Variants in PAPPA2 observed in about 807,000 individuals in gnomAD.
PAPPA2 encodes the protein pappalysin-2.
In PAPPA2, 86 loss-of-function variants were observed where a neutral mutation model predicts 176.4. The observed-to-expected ratio is 0.49, with a 90% CI of 0.41 to 0.58. The LOEUF is 0.58. Among genes scored for constraint, PAPPA2 ranks in the 20% least tolerant of loss-of-function variants. The probability of loss-of-function intolerance (pLI) is 0.00; values close to 1 mark genes in which losing one functional copy is unlikely to be tolerated. For synonymous variants in PAPPA2, 809 were observed against 852.2 expected, an observed-to-expected ratio of 0.95 and a Z score of 0.88; for missense variants, 2,073 against 2,256.9, an observed-to-expected ratio of 0.92 and a Z score of 1.65.
intron 1 of PAPPA2, among the ~76,000 whole-genome samples, chr1:176,468,064 G>T (rs183252276): frequency 6.6e-6 from 1 of 152,262 alleles, no homozygotes; most frequent in East Asian, 1.9e-4. Context: ...ATCCAAAAAG[G>T]AGCACTATTT....
chr1:176,587,699 A>G (rs907835779), intron 2 of PAPPA2, among the ~76,000 whole-genome samples: 6 of 152,166 alleles, frequency 3.9e-5, no homozygotes, highest in African/African-American at 1.2e-4. Flanking sequence ...GACTTGTACT[A>G]TAGTTTGAAG....
At chr1:176,596,116 C>T (rs920898328) in intron 3 of PAPPA2, among the ~76,000 whole-genome samples, 10 of 152,196 alleles carry the variant, frequency 6.6e-5, no homozygotes, top group African/African-American at 2.4e-4. Context: ...CCACTAGTCT[C>T]CTTTAGGTGA....
intron 21 of PAPPA2, among the ~76,000 whole-genome samples, chr1:176,828,253 C>T (rs886487322): frequency 2.0e-5 from 3 of 152,060 alleles, no homozygotes; most frequent in Non-Finnish European, 2.9e-5. Flanking sequence ...TAATAATGGG[C>T]CCAATAACAG....
chr1:176,682,109 G>A (rs1044188665), intron 4 of PAPPA2, among the ~76,000 whole-genome samples: 4 of 152,166 alleles, frequency 2.6e-5, no homozygotes, highest in Non-Finnish European at 4.4e-5. Flanking sequence ...TAAAGTTTAC[G>A]TCAGTTGTGA....
chr1:176,577,619 G>T (rs1048644657), intron 2 of PAPPA2, among the ~76,000 whole-genome samples: 1 of 151,986 alleles, frequency 6.6e-6, no homozygotes, highest in African/African-American at 2.4e-5. Context: ...TGCTCACACA[G>T]TCCTGCTGTC....
intron 4 of PAPPA2, among the ~76,000 whole-genome samples, chr1:176,689,175 G>A (rs1346122632): frequency 2.0e-5 from 3 of 152,178 alleles, no homozygotes; most frequent in African/African-American, 7.2e-5. Flanking sequence ...ATTTTGGGGT[G>A]TAAACAAGGA....
At chr1:176,821,201 C>T (rs965074173) in intron 21 of PAPPA2, among the ~76,000 whole-genome samples, 1 of 152,200 alleles carries the variant, frequency 6.6e-6, no homozygotes, top group South Asian at 2.1e-4. Context: ...CAGAAATTCC[C>T]ATCACAGTGT....
chr1:176,662,290 G>C (rs549967899), intron 3 of PAPPA2, among the ~76,000 whole-genome samples: 1 of 152,244 alleles, frequency 6.6e-6, no homozygotes, highest in South Asian at 2.1e-4. Flanking sequence ...ATTTACATGA[G>C]AAAATATATA....
intron 12 of PAPPA2, among the ~76,000 whole-genome samples, chr1:176,713,247 C>T (rs1056855449): frequency 5.3e-5 from 8 of 151,682 alleles, no homozygotes; most frequent in African/African-American, 1.9e-4. Context: ...CCTTGAACTC[C>T]TGGGCTCAAG....
chr1:176,816,703 C>T (rs1666420328), intron 21 of PAPPA2, among the ~76,000 whole-genome samples: 1 of 151,950 alleles, frequency 6.6e-6, no homozygotes. Context: ...CAAGTGTTCA[C>T]ACTTTGCCAG....
chr1:176,604,375 TA>T (rs1654498867), intron 3 of PAPPA2, among the ~76,000 whole-genome samples: 1 of 152,224 alleles, frequency 6.6e-6, no homozygotes, highest in Admixed American at 6.5e-5. Flanking sequence ...TCTCATACTA[TA>T]ACACCTACAA....
chr1:176,506,112 C>T (rs1648250040), intron 1 of PAPPA2, among the ~76,000 whole-genome samples: 1 of 152,080 alleles, frequency 6.6e-6, no homozygotes, highest in Admixed American at 6.6e-5. Context: ...AGTCCCTTCT[C>T]CATTGCTTGT....
At chr1:176,607,393 A>T (rs1418131200) in intron 3 of PAPPA2, among the ~76,000 whole-genome samples, 2 of 152,190 alleles carry the variant, frequency 1.3e-5, no homozygotes, top group Non-Finnish European at 2.9e-5. Flanking sequence ...TCTAGTATCT[A>T]TCATTCTACT....
chr1:176,643,661 T>C (rs1657224837), intron 3 of PAPPA2, among the ~76,000 whole-genome samples: 1 of 151,740 alleles, frequency 6.6e-6, no homozygotes, highest in Non-Finnish European at 1.5e-5. Context: ...CTAGATTTCC[T>C]GGGGAAAGGG....
chr1:176,725,486 C>A (rs1661822649), intron 12 of PAPPA2, among the ~76,000 whole-genome samples: 1 of 152,148 alleles, frequency 6.6e-6, no homozygotes, highest in Non-Finnish European at 1.5e-5. Flanking sequence ...GAATTACCAT[C>A]TTCACCCTTA....
chr1:176,765,605 C>G (rs974254542), intron 14 of PAPPA2, 61 bp from the exon 15 acceptor site: 29 of 1,525,482 alleles, frequency 1.9e-5, no homozygotes, highest in Non-Finnish European at 2.5e-5. Flanking sequence ...GCTGCAAAGT[C>G]ATTGCTCCTC....
intron 12 of PAPPA2, among the ~76,000 whole-genome samples, chr1:176,724,255 T>G (rs1661758646): frequency 6.6e-6 from 1 of 152,202 alleles, no homozygotes; most frequent in Admixed American, 6.5e-5. Context: ...CTTGAAAGAC[T>G]GTGTATCTAT....
Position 176,475,822 on chromosome 1 carries a change from T to A in PAPPA2, c.-917+12404T>A, listed in dbSNP as rs1652090520. Among the ~76,000 whole-genome samples, 6 of 152,266 alleles carry A rather than the reference T, an allele frequency of 3.9e-5. No homozygotes were observed. In the South Asian group the frequency reaches 1.2e-3, roughly 32 times the overall value. On this transcript the variant is annotated intron_variant, in intron 1 of 22. Coordinates refer to ENST00000367662, the MANE Select transcript of PAPPA2 (RefSeq NM_020318.3). ...GAAAGAGCCATGGCCATTGGTCCAC[T>A]TAATTTAGAAAGTCTGAAAAATTGG...
chr1:176,745,375 T>G (rs2102880221), intron 14 of PAPPA2, among the ~76,000 whole-genome samples: 1 of 152,300 alleles, frequency 6.6e-6, no homozygotes, highest in Non-Finnish European at 1.5e-5. Flanking sequence ...ACATGGCAGC[T>G]TGAGAAATAG....
Sources: gnomAD v4.1 joint callset for allele counts (sites outside exome capture counted in the v4.1 genomes callset) on GRCh38, gnomAD v4.1.1 for gene constraint, MANE v1.5 for transcripts, NCBI Gene and HGNC (gene_info 2026-07-23, HGNC 2026-07-21) for gene names.